The following ROBO2 variants were observed in gnomAD, a reference collection of about 807,000 sequenced individuals.
The protein encoded by ROBO2 is roundabout homolog 2.
ROBO2 carries 53 observed loss-of-function variants against 160.8 expected under a neutral mutation model. The observed-to-expected ratio is 0.33, with a 90% CI of 0.26 to 0.41. The LOEUF (loss-of-function observed/expected upper bound fraction) is 0.41. Among genes scored for constraint, ROBO2 ranks in the 10% least tolerant of loss-of-function variants. The probability of loss-of-function intolerance (pLI) is 1.00; values close to 1 mark genes in which losing one functional copy is unlikely to be tolerated. For synonymous variants in ROBO2, 664 were observed against 611.7 expected, an observed-to-expected ratio of 1.09 and a Z score of -1.26; for missense variants, 1,577 against 1,722.4, an observed-to-expected ratio of 0.92 and a Z score of 1.49.
At chr3:77,183,535 T>G (rs7427254) in intron 2 of ROBO2, among the ~76,000 whole-genome samples, 18,100 of 151,980 alleles carry the variant, frequency 0.12, 1,714 homozygotes, top group African/African-American at 0.26. Context: ...GTCATAGGAA[T>G]AAGATGGCCA....
At chr3:76,204,043 A>G (rs557570730) in intron 2 of ROBO2, among the ~76,000 whole-genome samples, 1 of 152,324 alleles carries the variant, frequency 6.6e-6, no homozygotes, top group Non-Finnish European at 1.5e-5. Flanking sequence ...AGTATATATC[A>G]TCTGTTTCCT....
intron 2 of ROBO2, among the ~76,000 whole-genome samples, chr3:76,263,333 C>A (rs759512192): frequency 2.0e-5 from 3 of 151,966 alleles, no homozygotes; most frequent in Non-Finnish European, 4.4e-5. Context: ...TGGGCTCAGG[C>A]GATGCACCTT....
intron 2 of ROBO2, among the ~76,000 whole-genome samples, chr3:76,766,742 T>C (rs2061595240): frequency 6.6e-6 from 1 of 151,526 alleles, no homozygotes; most frequent in South Asian, 2.1e-4. Context: ...GAAGCTCTTA[T>C]TGGGATAAAT....
rs145553275 is a variant in ROBO2, at chr3:77,610,372, A to G, written c.3293+2418A>G. 5.8e-4 allele frequency among the ~76,000 whole-genome samples: 88 copies of G among 152,192 alleles called. 1 individual carries two copies. In the East Asian group the frequency reaches 0.016, roughly 28 times the overall value. On this transcript the variant is annotated intron_variant, in intron 21 of 25. Transcript: ENST00000461745. Reference sequence around the variant, plus strand: ...AGACACTAACATTATCCTGTTCCTGACACACACACATGCACACACACAAAC... The same window carrying G: ...AGACACTAACATTATCCTGTTCCTGGCACACACACATGCACACACACAAAC...
chr3:76,364,809 TC>T (rs2075718783), intron 2 of ROBO2, among the ~76,000 whole-genome samples: 1 of 152,046 alleles, frequency 6.6e-6, no homozygotes, highest in African/African-American at 2.4e-5. Context: ...ATACTTTTCT[TC>T]TTTTACAATA....
rs186118361 is a variant in ROBO2, at chr3:76,990,141, A to G, written c.110-107873A>G. Among the ~76,000 whole-genome samples the G allele has an allele frequency of 5.1e-3, 771 of 152,274 alleles. 9 individuals are homozygous for G. Among genetic ancestry groups the G allele is most frequent in the African/African-American group, 0.018 (731 of 41,554 alleles). ...AAAATAAAATGAAAAACTAAAATGC[A>G]GAATTTTAGGGTAGCTATTACAAAC... On this transcript the variant is annotated intron_variant, in intron 2 of 26. Transcript: ENST00000487694.
intron 2 of ROBO2, among the ~76,000 whole-genome samples, chr3:76,112,987 A>G (rs1160723735): frequency 6.6e-6 from 1 of 152,108 alleles, no homozygotes; most frequent in Non-Finnish European, 1.5e-5. Flanking sequence ...TGTTGAATAA[A>G]TATATGTTCA....
intron 2 of ROBO2, among the ~76,000 whole-genome samples, chr3:76,902,304 A>C (rs2075294235): frequency 1.3e-5 from 2 of 152,022 alleles, no homozygotes; most frequent in South Asian, 4.1e-4. Flanking sequence ...ATAATACTAC[A>C]TTCTCTGTTC....
At chr3:77,461,350 T>G (rs1391372206) in intron 2 of ROBO2, among the ~76,000 whole-genome samples, 1 of 152,002 alleles carries the variant, frequency 6.6e-6, no homozygotes, top group Non-Finnish European at 1.5e-5. Flanking sequence ...GCCAACATTA[T>G]TATAGATCCA....
intron 1 of ROBO2, among the ~76,000 whole-genome samples, chr3:75,931,186 A>G (rs1307292713): frequency 1.3e-5 from 2 of 152,162 alleles, no homozygotes; most frequent in Non-Finnish European, 2.9e-5. Context: ...CTACATGCCA[A>G]GATGTTGCTC....
At chr3:76,732,219 GAA>G (rs1181294263) in intron 2 of ROBO2, among the ~76,000 whole-genome samples, 1 of 152,128 alleles carries the variant, frequency 6.6e-6, no homozygotes, top group East Asian at 1.9e-4. Flanking sequence ...GTGTTTGGTA[GAA>G]AATATAAGAG....
chr3:76,757,397 G>T, intron 2 of ROBO2, among the ~76,000 whole-genome samples: 1 of 151,822 alleles, frequency 6.6e-6, no homozygotes, highest in East Asian at 2.0e-4. Context: ...TGTAACTTAA[G>T]ATCTTTCATT....
intron 2 of ROBO2, among the ~76,000 whole-genome samples, chr3:76,690,520 T>A (rs2092778692): frequency 6.6e-6 from 1 of 152,098 alleles, no homozygotes; most frequent in African/African-American, 2.4e-5. Context: ...TCCATATTGA[T>A]CTTGAACTTC....
intron 2 of ROBO2, among the ~76,000 whole-genome samples, chr3:76,100,373 C>T (rs2069635792): frequency 6.6e-6 from 1 of 152,164 alleles, no homozygotes; most frequent in Non-Finnish European, 1.5e-5. Context: ...TGGAACTAAA[C>T]ATGAAAACTG....
chr3:75,975,907 A>C (rs548782667), intron 2 of ROBO2, among the ~76,000 whole-genome samples: 1 of 151,632 alleles, frequency 6.6e-6, no homozygotes, highest in South Asian at 2.1e-4. Flanking sequence ...TTATTGGTTG[A>C]GCCTAAGTTG....
intron 2 of ROBO2, among the ~76,000 whole-genome samples, chr3:76,735,565 C>A (rs1191744421): frequency 6.6e-6 from 1 of 151,674 alleles, no homozygotes; most frequent in Non-Finnish European, 1.5e-5. Flanking sequence ...GGTTCCTGAC[C>A]AGCCTGGGCA....
chr3:77,018,082 C>T (rs929173409), intron 2 of ROBO2, among the ~76,000 whole-genome samples: 2 of 152,082 alleles, frequency 1.3e-5, no homozygotes, highest in African/African-American at 2.4e-5. Context: ...AAAAGTTGTT[C>T]TTTATGAATT....
At chr3:77,493,160 G>A (rs1462953200) in intron 4 of ROBO2, 84 bp from the exon 5 acceptor site, 3 of 1,455,972 alleles carry the variant, frequency 2.1e-6, no homozygotes, top group South Asian at 1.1e-5. Context: ...AGTAAATTAG[G>A]TTTCCTTTGC....
At chr3:77,572,999 C>T (rs1457283341) in intron 13 of ROBO2, among the ~76,000 whole-genome samples, 1 of 151,862 alleles carries the variant, frequency 6.6e-6, no homozygotes, top group Non-Finnish European at 1.5e-5. Context: ...TAACCGTCTC[C>T]ATAATTCTCT....
Sources: gnomAD v4.1 joint callset for allele counts (sites outside exome capture counted in the v4.1 genomes callset) on GRCh38, gnomAD v4.1.1 for gene constraint, MANE v1.5 for transcripts, NCBI Gene and HGNC (gene_info 2026-07-23, HGNC 2026-07-21) for gene names.